PKNOX2: variants seen among roughly 807,000 people sequenced by gnomAD.
PKNOX2 encodes homeobox protein PKNOX2.
Under a neutral mutation model 53.1 loss-of-function variants are expected in PKNOX2, and 14 were observed. The observed-to-expected ratio is 0.26, with a 90% CI of 0.17 to 0.41. PKNOX2 has a LOEUF of 0.41. Ranked by LOEUF, PKNOX2 falls within the 10% of genes least tolerant of loss-of-function variation. PKNOX2 has a pLI of 1.00. For synonymous variants in PKNOX2, 257 were observed against 242.8 expected (o/e 1.06, Z -0.54); for missense variants, 496 against 602.8 (o/e 0.82, Z 1.85).
intron 1 of PKNOX2, among the ~76,000 whole-genome samples, chr11:125,173,499 C>T (rs1211506776): frequency 6.6e-6 from 1 of 152,206 alleles, no homozygotes; most frequent in Non-Finnish European, 1.5e-5. Context: ...TCTACCTAGT[C>T]CTCTCCCAAG....
Position 125,178,238 on chromosome 11 carries a change from G to A in PKNOX2, c.-201+13462G>A, listed in dbSNP as rs1395737206. Among the ~76,000 whole-genome samples, 7 of 152,064 alleles carry A rather than the reference G, an allele frequency of 4.6e-5. No homozygotes were observed. The South Asian group carries it at 8.3e-4, about 18-fold the overall frequency. ...GAGGGTTAGAAACTGCCCAGGGCAC[G>A]TGGTGGCTTATGCCTCTAATCCCAG... is the stretch of plus-strand genomic sequence containing the variant. On this transcript the variant is annotated intron_variant, in intron 1 of 12. Transcript: ENST00000298282.
At position 125,338,491 on chromosome 11, in the gene PKNOX2, T is replaced by C. The variant is rs559454025; in HGVS notation, c.-23+6566T>C. Reference sequence around the variant, plus strand: ...CCCTTGGGGAGTCATCTTAGAAGAGTAGCCCCGTTTCCTTCTCCTTCCCAT... The same window carrying C: ...CCCTTGGGGAGTCATCTTAGAAGAGCAGCCCCGTTTCCTTCTCCTTCCCAT... On this transcript the variant is annotated intron_variant, in intron 3 of 12. Coordinates refer to ENST00000298282, the MANE Select transcript of PKNOX2 (RefSeq NM_001382323.2). 6.6e-5 allele frequency among the ~76,000 whole-genome samples: 10 copies of C among 152,036 alleles called. No homozygotes were observed. In the East Asian group the frequency reaches 1.9e-3, roughly 30 times the overall value.
intron 7 of PKNOX2, 53 bp from the exon 8 acceptor site, chr11:125,410,134 TGGGGCTGTA>T (rs1955413899): frequency 1.3e-6 from 2 of 1,585,850 alleles, no homozygotes; most frequent in Non-Finnish European, 1.7e-6. Context: ...AAGAGGACTC[TGGGGCTGTA>T]GGGTCTAAGC....
intron 5 of PKNOX2, among the ~76,000 whole-genome samples, chr11:125,378,788 C>T (rs1404913349): frequency 6.6e-6 from 1 of 152,162 alleles, no homozygotes; most frequent in Non-Finnish European, 1.5e-5. Flanking sequence ...TTCACATCTC[C>T]CCTTGCCGGT....
chr11:125,194,960 C>T lies in PKNOX2; in HGVS notation c.-201+30184C>T, dbSNP rs549419122. Among the ~76,000 whole-genome samples, 10 of 152,256 alleles carry T rather than the reference C, an allele frequency of 6.6e-5. 1 individual carries two copies. In the South Asian group the frequency reaches 1.7e-3, roughly 25 times the overall value. On this transcript the variant is annotated intron_variant, in intron 1 of 12. Coordinates refer to ENST00000298282, the MANE Select transcript of PKNOX2 (RefSeq NM_001382323.2). Reference sequence around the variant, plus strand: ...CTTTATGTAGGTCCTACCTTCCTGACGCTCTTAGGAGGCGGGCTCTATTGT... The same window carrying T: ...CTTTATGTAGGTCCTACCTTCCTGATGCTCTTAGGAGGCGGGCTCTATTGT...
intron 1 of PKNOX2, among the ~76,000 whole-genome samples, chr11:125,168,327 C>A (rs1383148457): frequency 6.6e-6 from 1 of 152,178 alleles, no homozygotes; most frequent in Non-Finnish European, 1.5e-5. Context: ...TGGCTTTGAC[C>A]GCATGTCATA....
intron 2 of PKNOX2, among the ~76,000 whole-genome samples, chr11:125,302,212 G>A (rs1387160169): frequency 2.6e-5 from 4 of 152,182 alleles, no homozygotes; most frequent in African/African-American, 9.7e-5. Flanking sequence ...AGCATCGCAG[G>A]CAAAGAGAAC....
chr11:125,348,740 A>G (rs1014269467), intron 3 of PKNOX2, among the ~76,000 whole-genome samples: 1 of 152,214 alleles, frequency 6.6e-6, no homozygotes, highest in Non-Finnish European at 1.5e-5. Flanking sequence ...AAGAATGTGA[A>G]TGAAAGGCGC....
intron 2 of PKNOX2, among the ~76,000 whole-genome samples, chr11:125,261,718 C>T (rs567911342): frequency 2.6e-5 from 4 of 152,296 alleles, no homozygotes; most frequent in South Asian, 4.1e-4. Context: ...GCTGGTCTTG[C>T]TCAAAAGGGA....
At position 125,401,281 on chromosome 11, in the gene PKNOX2, C is replaced by CAGAAGGACAGACGGAG. The variant is rs1954733706; in HGVS notation, c.588+3223_588+3238dup. ...GGAGACGATACTGAGAACGACGGGG[C>CAGAAGGACAGACGGAG]AGAAGGACAGACGGAGAGAGGAACG... On this transcript the variant is annotated intron_variant, in intron 7 of 12. Coordinates refer to ENST00000298282, the MANE Select transcript of PKNOX2 (RefSeq NM_001382323.2). Among the ~76,000 whole-genome samples, 5 of 152,062 alleles carry CAGAAGGACAGACGGAG rather than the reference C, an allele frequency of 3.3e-5. No individual in the cohort carries two copies. In the South Asian group the frequency reaches 1.0e-3, roughly 32 times the overall value.
chr11:125,406,917 TAAAAAAAAAA>T lies in PKNOX2; in HGVS notation c.589-3259_589-3250del, dbSNP rs67687488. 9.6e-5 allele frequency among the ~76,000 whole-genome samples: 4 copies of T among 41,716 alleles called. No homozygotes were observed. The Admixed American group carries it at 1.2e-3, about 12-fold the overall frequency. 27.4% of individuals were successfully genotyped at this position (41,716 alleles called of 152,430 possible). On this transcript the variant is annotated intron_variant, in intron 7 of 12. Transcript: ENST00000298282. ...CCCAGTGGCCCTGAGAATCTATGTC[TAAAAAAAAAA>T]AAAAAAAAAAAAAAAAAAAGCACAC...
chr11:125,330,705 C>G (rs1373541311), intron 2 of PKNOX2, among the ~76,000 whole-genome samples: 1 of 152,114 alleles, frequency 6.6e-6, no homozygotes, highest in Non-Finnish European at 1.5e-5. Context: ...CACACATACA[C>G]ATACACACAC....
rs540409099 is a variant in PKNOX2 at position 125,377,063 on chromosome 11, T to C, written c.228-8488T>C. ...AATATAAATTTATTGGAGTAGATGG[T>C]GTCAGTGTTGCCCTGAATTTAAAAA... is the stretch of plus-strand genomic sequence containing the variant. On this transcript the variant is annotated intron_variant, in intron 5 of 12. Transcript: ENST00000298282. Among the ~76,000 whole-genome samples, 66 of 152,328 alleles carry C rather than the reference T, an allele frequency of 4.3e-4. 3 individuals are homozygous for C. The South Asian group carries it at 0.012, about 29-fold the overall frequency.
intron 1 of PKNOX2, among the ~76,000 whole-genome samples, chr11:125,173,299 G>T (rs1421413391): frequency 6.6e-6 from 1 of 152,176 alleles, no homozygotes; most frequent in Non-Finnish European, 1.5e-5. Flanking sequence ...AGGTAAAATG[G>T]GCATTGTATC....
At chr11:125,393,702 T>G (rs996382385) in intron 6 of PKNOX2, among the ~76,000 whole-genome samples, 21 of 152,010 alleles carry the variant, frequency 1.4e-4, no homozygotes, top group African/African-American at 5.1e-4. Flanking sequence ...CGGGGGGCTG[T>G]GCCAGGAGTG....
intron 2 of PKNOX2, among the ~76,000 whole-genome samples, chr11:125,255,012 T>G (rs1343374969): frequency 6.6e-6 from 1 of 152,206 alleles, no homozygotes; most frequent in Non-Finnish European, 1.5e-5. Flanking sequence ...ATATTGAGGA[T>G]GCAACGCGAA....
chr11:125,193,262 G>C (rs953765924), intron 1 of PKNOX2, among the ~76,000 whole-genome samples: 1 of 152,146 alleles, frequency 6.6e-6, no homozygotes, highest in Non-Finnish European at 1.5e-5. Flanking sequence ...TATATAAACT[G>C]CTTGGGACAT....
At chr11:125,384,344 G>C (rs1953469929) in intron 5 of PKNOX2, among the ~76,000 whole-genome samples, 1 of 151,938 alleles carries the variant, frequency 6.6e-6, no homozygotes, top group African/African-American at 2.4e-5. Flanking sequence ...GGGGGAATGG[G>C]GGTCAGGAGT....
chr11:125,178,567 AAGGAAG>A (rs1955867801), intron 1 of PKNOX2, among the ~76,000 whole-genome samples: 1 of 46,064 alleles, frequency 2.2e-5, no homozygotes, highest in African/African-American at 1.6e-4. Flanking sequence ...GGAAGGAACG[AAGGAAG>A]GAAGGAAGGA....
Sources: gnomAD v4.1 joint callset for allele counts (sites outside exome capture counted in the v4.1 genomes callset) on GRCh38, gnomAD v4.1.1 for gene constraint, MANE v1.5 for transcripts, NCBI Gene and HGNC (gene_info 2026-07-23, HGNC 2026-07-21) for gene names.